Variants in TJP3 observed in about 807,000 individuals in gnomAD.
TJP3 encodes tight junction protein 3, also known as tight junction protein ZO-3.
A neutral mutation model predicts 104.2 loss-of-function variants in TJP3; 85 were observed. The observed-to-expected ratio is 0.82, with a 90% CI of 0.68 to 0.98. The LOEUF is 0.98. TJP3 is among the 50% of genes least tolerant of loss of function. The pLI is 0.00. For synonymous variants in TJP3, 550 were observed against 550.6 expected (o/e 1.00, Z 0.02); for missense variants, 1,367 against 1,322.8 (o/e 1.03, Z -0.52).
In TJP3 at chr19:3,728,312, C is replaced by G. The variant is rs2036623078; in HGVS notation, c.-9-112C>G. On this transcript the variant is annotated intron_variant, in intron 1 of 20. Coordinates refer to ENST00000541714, the MANE Select transcript of TJP3 (RefSeq NM_001267560.2). Reference sequence around the variant, plus strand: ...GAGAGAGGTAGTAACTTGTCACAGGCTCCAAACACAGGCCTGTCAGAGCTG... The same window carrying G: ...GAGAGAGGTAGTAACTTGTCACAGGGTCCAAACACAGGCCTGTCAGAGCTG... 6 of 1,554,180 alleles carry G rather than the reference C, an allele frequency of 3.9e-6. No individual in the cohort carries two copies. In the South Asian group the frequency reaches 5.8e-5, roughly 15 times the overall value.
chr19:3,719,875 G>T (rs951539060), intron 1 of TJP3, among the ~76,000 whole-genome samples: 7 of 152,138 alleles, frequency 4.6e-5, no homozygotes, highest in African/African-American at 1.7e-4. Context: ...TCCCACTTCT[G>T]TGATGGCCGC....
chr19:3,743,893 A>G (rs780667592), intron 14 of TJP3, 46 bp from the exon 15 acceptor site: 4 of 1,583,606 alleles, frequency 2.5e-6, no homozygotes, highest in South Asian at 1.1e-5. Context: ...GCAGTCTTTG[A>G]TCGCAAATGG....
rs955634163 is a variant in TJP3 at position 3,731,022 on chromosome 19, C to T, written c.613+316C>T. 5.3e-5 allele frequency among the ~76,000 whole-genome samples: 8 copies of T among 152,294 alleles called. No individual in the cohort carries two copies. In the South Asian group the frequency reaches 6.2e-4, roughly 12 times the overall value. ...CTACACCTGGCATCTTCTTGCTCCT[C>T]GCTCCCCCCACCACAAATCCCCACT... is the stretch of plus-strand genomic sequence containing the variant. On this transcript the variant is annotated intron_variant, in intron 5 of 20. Coordinates refer to ENST00000541714, the MANE Select transcript of TJP3 (RefSeq NM_001267560.2).
At chr19:3,735,737 G>C (rs1423357288) in intron 9 of TJP3, 98 bp downstream of exon 9, 2 of 1,588,454 alleles carry the variant, frequency 1.3e-6, no homozygotes, top group African/African-American at 2.7e-5. Context: ...CTGAGCCTAA[G>C]TGGTGAGACA....
Position 3,740,699 on chromosome 19 carries a change from G to A in TJP3, c.1779G>A (p.Glu593=), listed in dbSNP as rs141972710. 2.1e-4 allele frequency: 337 copies of A among 1,606,532 alleles called. 1 individual carries two copies. In the Middle Eastern group the frequency reaches 2.1e-3, roughly 10 times the overall value. ...AGAAGACCACTCAGCGGAGCCGTGA[G>A]GACCTCTCAGCTCTGACCCGACAGG... ...GAKKTTQRSR[E]DLSALTRQGR... is the part of the protein sequence containing the mutation. The change falls in exon 14 of 21, where the codon GAG becomes GAA. Residue 593 remains glutamate (E), a synonymous_variant. Coordinates refer to ENST00000541714, the MANE Select transcript of TJP3 (RefSeq NM_001267560.2).
In TJP3 at chr19:3,746,732, C is replaced by A. The variant is rs907263723; in HGVS notation, c.2221+37C>A. On this transcript the variant is annotated intron_variant, in intron 17 of 20. Coordinates refer to ENST00000541714, the MANE Select transcript of TJP3 (RefSeq NM_001267560.2). This position sits in a 1 kb window ranked among gnomAD's most constrained non-coding sequence, Gnocchi z 4.1. ...GGTGTCCCAGGGTAGGCGGGTGGGC[C>A]CCAGCCTGAGTCTCCTGCACACACT... 2 of 1,600,006 alleles carry A rather than the reference C, an allele frequency of 1.3e-6. No homozygotes were observed. Among genetic ancestry groups the A allele is most frequent in the Non-Finnish European group, 1.7e-6 (2 of 1,173,254 alleles).
intron 1 of TJP3, chr19:3,721,934 AG>A: frequency 8.8e-6 from 5 of 567,402 alleles, no homozygotes; most frequent in African/African-American, 2.0e-5. Flanking sequence ...CAAGGGTGGC[AG>A]GGGGAGGGGC....
In TJP3 at chr19:3,717,208, G is replaced by A. The variant is rs1359288320; in HGVS notation, c.-10+8647G>A. 8.3e-5 allele frequency among the ~76,000 whole-genome samples: 12 copies of A among 144,736 alleles called. 2 individuals carry two copies. The highest frequency in any genetic ancestry group is 2.4e-4 in the South Asian group (1 of 4,242). The allele number at this position is 144,736 out of a possible 152,430, so 95.0% of individuals were successfully genotyped here. A position where few individuals can be genotyped will look rare whatever the true frequency, so the allele number is the denominator to read the frequency against. On this transcript the variant is annotated intron_variant, in intron 1 of 20. Transcript: ENST00000541714. Reference sequence around the variant, plus strand: ...TCGAACTCCCAACCTCAGGTGATCCGCCCGCCTCGACCTCCCAAAGTGCTG... The same window carrying A: ...TCGAACTCCCAACCTCAGGTGATCCACCCGCCTCGACCTCCCAAAGTGCTG...
intron 15 of TJP3, among the ~76,000 whole-genome samples, chr19:3,745,046 G>A (rs1382784211): frequency 6.6e-6 from 1 of 151,280 alleles, no homozygotes; most frequent in Non-Finnish European, 1.5e-5. Context: ...CTAGGAGTTT[G>A]AGACCAGCCT....
Position 3,738,745 on chromosome 19 carries a change from G to A in TJP3, c.1393+82G>A, listed in dbSNP as rs983089775. 6 of 1,394,560 alleles carry A rather than the reference G, an allele frequency of 4.3e-6. No individual in the cohort carries two copies. The Admixed American group carries it at 8.9e-5, about 21-fold the overall frequency. 86.4% of individuals were successfully genotyped at this position (1,394,560 alleles called of 1,614,324 possible). ...GTGGCCTGGTGGTGAGTGCAGGGAT[G>A]TGGTTGAATCTGCATCTCTGCACCC... On this transcript the variant is annotated intron_variant, in intron 12 of 20. Transcript: ENST00000541714.
intron 1 of TJP3, among the ~76,000 whole-genome samples, chr19:3,710,098 G>A (rs1320409257): frequency 2.1e-5 from 3 of 144,222 alleles, no homozygotes; most frequent in African/African-American, 5.1e-5. Flanking sequence ...GCAGTGAGCC[G>A]AGATTGTGCC....
At chr19:3,718,625 C>T (rs552164361) in intron 1 of TJP3, among the ~76,000 whole-genome samples, 2 of 151,576 alleles carry the variant, frequency 1.3e-5, no homozygotes, top group African/African-American at 4.8e-5. Flanking sequence ...TGCGCCACCA[C>T]GCCCAGCTAA....
At chr19:3,722,731 C>T (rs957022133) in intron 1 of TJP3, among the ~76,000 whole-genome samples, 3 of 152,046 alleles carry the variant, frequency 2.0e-5, no homozygotes, top group Non-Finnish European at 4.4e-5. Context: ...CTTCAGGACC[C>T]GGCACTTCTG....
At position 3,746,562 on chromosome 19, in the gene TJP3, C is replaced by T; in HGVS notation, c.2088C>T (p.Val696=). 2 of 1,614,054 alleles carry T rather than the reference C, an allele frequency of 1.2e-6. No individual in the cohort carries two copies. The highest frequency in any genetic ancestry group is 1.7e-6 in the Non-Finnish European group (2 of 1,180,026). ...LNYVQYYPIV[V]FFIPESRPAL... Reference sequence around the variant, plus strand: ...ATGTGCAGTACTACCCCATTGTGGTCTTCTTCATCCCCGAGAGCCGGCCGG... The same window carrying T: ...ATGTGCAGTACTACCCCATTGTGGTTTTCTTCATCCCCGAGAGCCGGCCGG... The change falls in exon 17 of 21, where the codon GTC becomes GTT. Residue 696 remains valine (V), a synonymous_variant. Transcript: ENST00000541714. The surrounding 1 kb of genome is among the most constrained non-coding windows in gnomAD (Gnocchi z 4.1).
chr19:3,713,227 C>T (rs566781608), intron 1 of TJP3, among the ~76,000 whole-genome samples: 49 of 152,242 alleles, frequency 3.2e-4, no homozygotes, highest in Admixed American at 1.2e-3. Flanking sequence ...CAGACCGGGG[C>T]GTCTCCTCCC....
chr19:3,750,256 T>G, intron 20 of TJP3, 72 bp downstream of exon 20: 1 of 1,597,126 alleles, frequency 6.3e-7, no homozygotes, highest in Non-Finnish European at 8.6e-7. Context: ...GACTCAGATC[T>G]AGATCCAAGC....
chr19:3,709,573 T>C (rs1382468913), intron 1 of TJP3, among the ~76,000 whole-genome samples: 1 of 152,140 alleles, frequency 6.6e-6, no homozygotes, highest in African/African-American at 2.4e-5. Flanking sequence ...AGTGTCCGAT[T>C]GCATCTCAAG....
chr19:3,740,351 C>T (rs1256838516), intron 13 of TJP3, among the ~76,000 whole-genome samples: 2 of 152,076 alleles, frequency 1.3e-5, no homozygotes, highest in African/African-American at 2.4e-5. Context: ...GAGGTTGTAA[C>T]GAGTCCAGCC....
At position 3,736,301 on chromosome 19, in the gene TJP3, G is replaced by A. The variant is rs1228965102; in HGVS notation, c.1264G>A (p.Glu422Lys). Reference sequence around the variant, plus strand: ...CCCGGCCGACGGGCAGGGCATCCAGGAGGGAGATCAGATTCTGCAGGTGCT... The same window carrying A: ...CCCGGCCGACGGGCAGGGCATCCAGAAGGGAGATCAGATTCTGCAGGTGCT... ...GSPADGQGIQEGDQILQVNDV... is the reference protein window; with the variant it reads ...GSPADGQGIQKGDQILQVNDV... The change falls in exon 11 of 21, where the codon GAG (glutamate) becomes AAG (lysine). Residue 422 changes from glutamate to lysine, a missense_variant. Glu to Lys is a moderately conservative substitution (Grantham distance 56, BLOSUM62 1). Coordinates refer to ENST00000541714, the MANE Select transcript of TJP3 (RefSeq NM_001267560.2). 2.0e-6 allele frequency: 3 copies of A among 1,534,606 alleles called. No individual in the cohort carries two copies. Among genetic ancestry groups the A allele is most frequent in the Admixed American group, 2.1e-5 (1 of 47,970 alleles).
Sources: gnomAD v4.1 joint callset for allele counts (sites outside exome capture counted in the v4.1 genomes callset) on GRCh38, gnomAD v4.1.1 for gene constraint, Gnocchi (gnomAD v3.1) non-coding constraint, MANE v1.5 for transcripts, NCBI Gene and HGNC (gene_info 2026-07-23, HGNC 2026-07-21) for gene names.